The following IL21R variants were observed in gnomAD, a reference collection of about 807,000 sequenced individuals.
The protein encoded by IL21R is interleukin 21 receptor.
A neutral mutation model predicts 41.3 loss-of-function variants in IL21R; 14 were observed. That is an observed-to-expected ratio of 0.34 (90% CI 0.22 to 0.53). The LOEUF is 0.53. Ranked by LOEUF, IL21R falls within the 20% of genes least tolerant of loss-of-function variation. The pLI is 0.94. For synonymous variants in IL21R, 286 were observed against 287.6 expected (o/e 0.99, Z 0.05); for missense variants, 588 against 681.6 (o/e 0.86, Z 1.53).
chr16:27,440,248 T>TAGAGAGAGAGAGAGAG (rs1217071764), intron 4 of IL21R, among the ~76,000 whole-genome samples: 22 of 64,036 alleles, frequency 3.4e-4, no homozygotes, highest in African/African-American at 7.0e-4. Context: ...TATATATATA[T>TAGAGAGAGAGAGAGAG]AGAGAGAGAG....
At chr16:27,445,306 G>A (rs931830143) in intron 7 of IL21R, 30 bp downstream of exon 7, 11 of 1,494,538 alleles carry the variant, frequency 7.4e-6, no homozygotes, top group Admixed American at 1.7e-5. Flanking sequence ...AAGGCAGGGA[G>A]GTGGTCAGCC....
intron 1 of IL21R, among the ~76,000 whole-genome samples, chr16:27,421,098 C>T (rs1297755387): frequency 6.6e-6 from 1 of 152,082 alleles, no homozygotes; most frequent in Non-Finnish European, 1.5e-5. Flanking sequence ...TTGGCACCCT[C>T]ATCAAGAATC....
chr16:27,447,320 GTC>G (rs2087499061), intron 8 of IL21R, among the ~76,000 whole-genome samples: 1 of 152,040 alleles, frequency 6.6e-6, no homozygotes, highest in Non-Finnish European at 1.5e-5. Flanking sequence ...CTATTATTAG[GTC>G]CATTTTACAG....
intron 4 of IL21R, among the ~76,000 whole-genome samples, chr16:27,439,797 G>A (rs1254615493): frequency 6.6e-6 from 1 of 152,182 alleles, no homozygotes; most frequent in Admixed American, 6.5e-5. Flanking sequence ...GGGGCAGGAA[G>A]TGATTTTCTA....
rs1409190773 is a variant in IL21R, at chr16:27,434,438, C to A, written c.141C>A (p.Leu47=). Reference sequence around the variant, plus strand: ...TGTGGAACCTCCACCCCAGCACGCTCACCCTTACCTGGTAAGTAGCCGGGC... The same window carrying A: ...TGTGGAACCTCCACCCCAGCACGCTAACCCTTACCTGGTAAGTAGCCGGGC... ...LEMWNLHPST[L]TLTWQDQYEE... The change falls in exon 3 of 9, where the codon CTC becomes CTA. Residue 47 remains leucine, a synonymous_variant. Coordinates refer to ENST00000337929, the MANE Select transcript of IL21R (RefSeq NM_181078.3). The A allele has an allele frequency of 6.2e-7, 1 of 1,610,944 alleles. No homozygotes were observed. Among genetic ancestry groups the A allele is most frequent in the Non-Finnish European group, 8.5e-7 (1 of 1,177,248 alleles).
In IL21R at chr16:27,435,762, A is replaced by T. The variant is rs1257434708; in HGVS notation, c.152+1313A>T. 3.4e-5 allele frequency among the ~76,000 whole-genome samples: 5 copies of T among 146,232 alleles called. No individual in the cohort carries two copies. In the East Asian group the frequency reaches 6.4e-4, roughly 19 times the overall value. ...AGCCACCATGCCAGGCCCAAACAGGACACTTTCTTTCTTTCTTTTTTTTGG... is the reference window on the plus strand; with the variant it reads ...AGCCACCATGCCAGGCCCAAACAGGTCACTTTCTTTCTTTCTTTTTTTTGG... On this transcript the variant is annotated intron_variant, in intron 3 of 8. Transcript: ENST00000337929.
chr16:27,436,085 G>C (rs1206987661), intron 3 of IL21R, among the ~76,000 whole-genome samples: 1 of 152,186 alleles, frequency 6.6e-6, no homozygotes, highest in Non-Finnish European at 1.5e-5. Context: ...AGCCCGCAGG[G>C]TTGGTCTATC....
At chr16:27,445,680 C>G (rs1453234192) in intron 7 of IL21R, among the ~76,000 whole-genome samples, 1 of 152,160 alleles carries the variant, frequency 6.6e-6, no homozygotes, top group Non-Finnish European at 1.5e-5. Flanking sequence ...GAAGAGGTGG[C>G]TGTAATAGTC....
Position 27,449,740 on chromosome 16 carries a change from AG to A in IL21R, c.*459del, listed in dbSNP as rs2087557800. 4.2e-6 allele frequency: 1 copy of A among 238,922 alleles called. No homozygotes were observed. The highest frequency in any genetic ancestry group is 8.2e-6 in the Non-Finnish European group (1 of 121,646). 14.8% of individuals were successfully genotyped at this position (238,922 alleles called of 1,614,324 possible). ...GGGATCAGGGCATTGCCTGTGACTG[AG>A]GCGGAGCCCAGCCCTCCAGCGTCTG... On this transcript the variant is annotated 3_prime_UTR_variant, in exon 9 of 9. Transcript: ENST00000337929.
chr16:27,408,209 A>G (rs539800721), intron 1 of IL21R, among the ~76,000 whole-genome samples: 5 of 152,326 alleles, frequency 3.3e-5, no homozygotes, highest in Admixed American at 6.5e-5. Context: ...CTCTTTGGAG[A>G]GGTCAAAGAT....
chr16:27,405,037 T>G (rs74422876), intron 1 of IL21R, among the ~76,000 whole-genome samples: 1 of 151,716 alleles, frequency 6.6e-6, no homozygotes, highest in East Asian at 1.9e-4. Flanking sequence ...TTTTTTTTTT[T>G]TTAATTTTTT....
chr16:27,402,971 G>C, intron 1 of IL21R: 2 of 359,764 alleles, frequency 5.6e-6, no homozygotes, highest in Admixed American at 3.9e-5. Context: ...GGGAGGTGAC[G>C]GGCATGGGTG....
chr16:27,404,733 G>C (rs1477625522), intron 1 of IL21R, among the ~76,000 whole-genome samples: 1 of 152,154 alleles, frequency 6.6e-6, no homozygotes, highest in Non-Finnish European at 1.5e-5. Flanking sequence ...TGTGGAACTG[G>C]CCAGACCTGG....
In IL21R at chr16:27,445,186, A is replaced by C. The variant is rs1311572081; in HGVS notation, c.695A>C (p.Glu232Ala). 6.2e-7 allele frequency: 1 copy of C among 1,613,234 alleles called. No individual in the cohort carries two copies. Among genetic ancestry groups the C allele is most frequent in the African/African-American group, 1.3e-5 (1 of 74,884 alleles). Residue 232 changes from glutamate to alanine, a missense_variant, in exon 7 of 9, where the codon GAA (glutamate) becomes GCA (alanine). By Grantham distance (107) the Glu-to-Ala change is moderately radical. Transcript: ENST00000337929. The stretch of plus-strand genomic sequence containing the variant: ...TTTGCTTCCTTCCCAGAGTTAAAGG[A>C]AGGCTGGAACCCTCACCTGCTGCTT... ...IFQTQSEELK[E>A]GWNPHLLLLL...
At position 27,451,993 on chromosome 16, in the gene IL21R, A is replaced by C. The variant is rs3093389; in HGVS notation, c.*2710A>C. The C allele has an allele frequency of 9.1e-3, 2,060 of 227,370 alleles. 56 individuals carry two copies. The highest frequency in any genetic ancestry group is 0.041 in the African/African-American group (1,857 of 45,104). 14.1% of individuals were successfully genotyped at this position (227,370 alleles called of 1,614,324 possible). A position where few individuals can be genotyped will look rare whatever the true frequency, so the allele number is the denominator to read the frequency against. On this transcript the variant is annotated 3_prime_UTR_variant, in exon 9 of 9. Transcript: ENST00000337929. Reference sequence around the variant, plus strand: ...CAACTCTATTTTGTTCACTGCCTTTAGTCCCAGCCTGGCACATAGTAGGCA... The same window carrying C: ...CAACTCTATTTTGTTCACTGCCTTTCGTCCCAGCCTGGCACATAGTAGGCA...
At chr16:27,432,747 C>A (rs3093316) in intron 2 of IL21R, among the ~76,000 whole-genome samples, 3 of 152,200 alleles carry the variant, frequency 2.0e-5, no homozygotes, top group African/African-American at 7.2e-5. Context: ...GTGTGTCTCC[C>A]TGAGGAAAGC....
chr16:27,403,997 A>G (rs1940890211), intron 1 of IL21R, among the ~76,000 whole-genome samples: 1 of 152,222 alleles, frequency 6.6e-6, no homozygotes, highest in Non-Finnish European at 1.5e-5. Context: ...CTGGGATTGG[A>G]TGCCAGTCTG....
chr16:27,446,068 G>C lies in IL21R; in HGVS notation c.847G>C (p.Gly283Arg), dbSNP rs149800707. The C allele has an allele frequency of 1.2e-6, 2 of 1,613,626 alleles. No individual in the cohort carries two copies. The highest frequency in any genetic ancestry group is 2.7e-5 in the African/African-American group (2 of 74,996). ...PERFFMPLYK[G>R]CSGDFKKWVG... Reference sequence around the variant, plus strand: ...GCGGTTCTTCATGCCCCTGTACAAGGGCTGCAGCGGAGACTTCAAGGTGAG... The same window carrying C: ...GCGGTTCTTCATGCCCCTGTACAAGCGCTGCAGCGGAGACTTCAAGGTGAG... Residue 283 changes from glycine to arginine, a missense_variant, in exon 8 of 9, where the codon GGC (glycine) becomes CGC (arginine). Gly to Arg is a moderately radical substitution (Grantham distance 125). Coordinates refer to ENST00000337929, the MANE Select transcript of IL21R (RefSeq NM_181078.3).
At chr16:27,406,426 C>A (rs2086749472) in intron 1 of IL21R, among the ~76,000 whole-genome samples, 1 of 152,046 alleles carries the variant, frequency 6.6e-6, no homozygotes, top group South Asian at 2.1e-4. Flanking sequence ...GGTGCTGGGA[C>A]TGGGACCTCA....
Sources: gnomAD v4.1 joint callset for allele counts (sites outside exome capture counted in the v4.1 genomes callset) on GRCh38, gnomAD v4.1.1 for gene constraint, MANE v1.5 for transcripts, NCBI Gene and HGNC (gene_info 2026-07-23, HGNC 2026-07-21) for gene names.